Variants in NAA11 observed in about 807,000 individuals in gnomAD.
The protein encoded by NAA11 is N-alpha-acetyltransferase 11, NatA catalytic subunit, also known as N-alpha-acetyltransferase 11.
A neutral mutation model predicts 16.1 loss-of-function variants in NAA11; 15 were observed. The ratio of observed to expected loss-of-function variants is 0.93; its 90% CI spans 0.62 to 1.44. The LOEUF (loss-of-function observed/expected upper bound fraction) is 1.44. Ranked by LOEUF, NAA11 falls within the 40% of genes most tolerant of loss-of-function variation. The pLI, the probability that NAA11 is intolerant of heterozygous loss-of-function variation, is 0.00. For synonymous variants in NAA11, 122 were observed against 112.4 expected (o/e 1.09, Z -0.54); for missense variants, 298 against 291.3 (o/e 1.02, Z -0.17).
chr4:79,229,059 T>C (rs1247678423), intron 2 of NAA11, among the ~76,000 whole-genome samples: 3 of 151,778 alleles, frequency 2.0e-5, no homozygotes, highest in Admixed American at 6.6e-5. Flanking sequence ...AGTGCAGAAG[T>C]TTTTTTTACA....
intron 2 of NAA11, among the ~76,000 whole-genome samples, chr4:79,285,413 A>G (rs1353990178): frequency 6.6e-6 from 1 of 152,078 alleles, no homozygotes; most frequent in Admixed American, 6.6e-5. Context: ...TGTCTGTTGG[A>G]AGTCTGAAAA....
intron 2 of NAA11, among the ~76,000 whole-genome samples, chr4:79,266,343 C>T (rs1468413160): frequency 1.3e-5 from 2 of 152,132 alleles, no homozygotes; most frequent in Non-Finnish European, 2.9e-5. Flanking sequence ...GTGCACTCTC[C>T]CCCTCTGGAA....
chr4:79,285,111 G>A (rs941034033), intron 2 of NAA11, among the ~76,000 whole-genome samples: 6 of 152,050 alleles, frequency 3.9e-5, no homozygotes, highest in Non-Finnish European at 8.8e-5. Context: ...TTGCTTTTAC[G>A]CTAACACCTG....
chr4:79,169,940 C>T, the NAA11 span, among the ~76,000 whole-genome samples: 18 of 152,190 alleles, frequency 1.2e-4, no homozygotes, highest in African/African-American at 4.3e-4. Flanking sequence ...TTATAGCAAA[C>T]GTGGCAGACT....
At chr4:79,320,585 T>G (rs1011800205) in intron 1 of NAA11, among the ~76,000 whole-genome samples, 1 of 152,148 alleles carries the variant, frequency 6.6e-6, no homozygotes, top group East Asian at 1.9e-4. Context: ...ACAGGCTTAT[T>G]ATGAGGAATA....
At chr4:79,180,387 G>A in the NAA11 span, among the ~76,000 whole-genome samples, 11 of 151,766 alleles carry the variant, frequency 7.2e-5, no homozygotes, top group East Asian at 3.9e-4. Context: ...CCAGAGTCTC[G>A]AATAAAAACA....
At chr4:79,287,560 T>A (rs1046770806) in intron 2 of NAA11, among the ~76,000 whole-genome samples, 1 of 152,112 alleles carries the variant, frequency 6.6e-6, no homozygotes, top group African/African-American at 2.4e-5. Context: ...TTAGCTTTAT[T>A]ATTTGCTGTA....
At chr4:79,238,691 C>G (rs1372635725) in intron 2 of NAA11, among the ~76,000 whole-genome samples, 1 of 152,098 alleles carries the variant, frequency 6.6e-6, no homozygotes. Context: ...AAAATCATTT[C>G]TCAACTAGTT....
rs1201839747 is a variant in NAA11 at position 79,278,786 on chromosome 4, C to T, written c.*122+15219G>A. Among the ~76,000 whole-genome samples, 4 of 152,098 alleles carry T rather than the reference C, an allele frequency of 2.6e-5. No homozygotes were observed. The East Asian group carries it at 5.8e-4, about 22-fold the overall frequency. ...ATCTTATTGATATGAGGATTCTCAA[C>T]ATCCTTTATAATACATGTCTTAGTA... On this transcript the variant is annotated intron_variant and NMD_transcript_variant, in intron 2 of 2. Transcript: ENST00000511542.
chr4:79,212,914 TA>T, the NAA11 span, among the ~76,000 whole-genome samples: 3 of 152,120 alleles, frequency 2.0e-5, no homozygotes, highest in Non-Finnish European at 4.4e-5. Flanking sequence ...TATAATTGTA[TA>T]GTGTCATTTT....
intron 2 of NAA11, among the ~76,000 whole-genome samples, chr4:79,262,758 C>T (rs1032607242): frequency 2.6e-5 from 4 of 152,056 alleles, no homozygotes; most frequent in Non-Finnish European, 4.4e-5. Flanking sequence ...AAGCCAAACA[C>T]ACCCAAGTTT....
At chr4:79,190,606 T>C in the NAA11 span, among the ~76,000 whole-genome samples, 4 of 152,188 alleles carry the variant, frequency 2.6e-5, no homozygotes, top group Admixed American at 1.3e-4. Flanking sequence ...ACGTTAAAGA[T>C]AAATGAAAGA....
intron 1 of NAA11, among the ~76,000 whole-genome samples, chr4:79,309,714 C>CTTT (rs71662804): frequency 1.3e-3 from 105 of 81,436 alleles, no homozygotes; most frequent in Non-Finnish European, 1.7e-3. Flanking sequence ...TTTTTTTTTT[C>CTTT]TTTTTTTTTT....
chr4:79,305,842 AT>A (rs1348809857), intron 1 of NAA11, among the ~76,000 whole-genome samples: 2 of 152,006 alleles, frequency 1.3e-5, no homozygotes, highest in African/African-American at 4.8e-5. Flanking sequence ...AGTTTTCATC[AT>A]TTTTTCTACT....
chr4:79,323,800 G>A (rs1724174528), intron 1 of NAA11, among the ~76,000 whole-genome samples: 1 of 150,544 alleles, frequency 6.6e-6, no homozygotes, highest in Non-Finnish European at 1.5e-5. Context: ...CAGCCTCGGC[G>A]ACAGAGCTAG....
chr4:79,214,434 G>A, the NAA11 span, among the ~76,000 whole-genome samples: 1 of 152,138 alleles, frequency 6.6e-6, no homozygotes, highest in African/African-American at 2.4e-5. Context: ...AATAAGAGGT[G>A]ATTAGGCCAT....
At chr4:79,161,041 T>C in the NAA11 span, among the ~76,000 whole-genome samples, 3 of 152,358 alleles carry the variant, frequency 2.0e-5, no homozygotes, top group East Asian at 5.8e-4. Flanking sequence ...ATTTAGGTTT[T>C]CTTCCAAGAG....
At chr4:79,260,119 G>C (rs1004734088) in intron 2 of NAA11, among the ~76,000 whole-genome samples, 2 of 152,132 alleles carry the variant, frequency 1.3e-5, no homozygotes, top group Non-Finnish European at 2.9e-5. Flanking sequence ...GTGAATCTTT[G>C]TTTGGTATTT....
At chr4:79,277,575 T>A (rs909558954) in intron 2 of NAA11, among the ~76,000 whole-genome samples, 1 of 152,108 alleles carries the variant, frequency 6.6e-6, no homozygotes, top group Non-Finnish European at 1.5e-5. Flanking sequence ...AACTTCCTCG[T>A]AAAGCAATCT....
Sources: gnomAD v4.1 joint callset for allele counts (sites outside exome capture counted in the v4.1 genomes callset) on GRCh38, gnomAD v4.1.1 for gene constraint, MANE v1.5 for transcripts, NCBI Gene and HGNC (gene_info 2026-07-23, HGNC 2026-07-21) for gene names.